The following IFT88 variants were observed in gnomAD, a reference collection of about 807,000 sequenced individuals.
The protein encoded by IFT88 is intraflagellar transport protein 88 homolog.
IFT88 carries 74 observed loss-of-function variants against 119.5 expected under a neutral mutation model. The observed-to-expected ratio is 0.62, with a 90% CI of 0.51 to 0.75. The LOEUF (loss-of-function observed/expected upper bound fraction) is 0.75, where lower values mean the gene tolerates loss of function less well. Ranked by LOEUF, IFT88 falls within the 30% of genes least tolerant of loss-of-function variation. IFT88 has a pLI of 0.00. For synonymous variants in IFT88, 279 were observed against 316.7 expected, an observed-to-expected ratio of 0.88 and a Z score of 1.26; for missense variants, 961 against 977.7, an observed-to-expected ratio of 0.98 and a Z score of 0.23.
chr13:20,661,219 T>G lies in IFT88; in HGVS notation c.2069-2279T>G, dbSNP rs545038521. On this transcript the variant is annotated intron_variant, in intron 22 of 25. Coordinates refer to ENST00000351808, the MANE Select transcript of IFT88 (RefSeq NM_006531.5). ...CAAACTAGGGGACGATTGACATAATTAGGTTTTACAGAGGAAGTAACATTT... is the reference window on the plus strand; with the variant it reads ...CAAACTAGGGGACGATTGACATAATGAGGTTTTACAGAGGAAGTAACATTT... 1.9e-4 allele frequency among the ~76,000 whole-genome samples: 29 copies of G among 152,232 alleles called. No individual in the cohort carries two copies. In the South Asian group the frequency reaches 6.0e-3, roughly 32 times the overall value.
intron 22 of IFT88, among the ~76,000 whole-genome samples, chr13:20,661,106 A>C (rs1381621278): frequency 1.3e-5 from 2 of 152,234 alleles, no homozygotes; most frequent in African/African-American, 4.8e-5. Context: ...TAGGACTCAC[A>C]AATAGTTAAC....
chr13:20,582,888 C>A, intron 2 of IFT88, 69 bp from the exon 3 acceptor site: 1 of 1,175,844 alleles, frequency 8.5e-7, no homozygotes, highest in Non-Finnish European at 1.3e-6. Flanking sequence ...TACCAAACAG[C>A]AGTTTAAACT....
chr13:20,643,942 GGT>G (rs2050347454), intron 19 of IFT88, among the ~76,000 whole-genome samples: 1 of 151,946 alleles, frequency 6.6e-6, no homozygotes, highest in Admixed American at 6.6e-5. Context: ...TTAGTAGAGG[GGT>G]GTTTTGCCAT....
At chr13:20,656,460 AG>A (rs1477358001) in intron 22 of IFT88, 30 bp downstream of exon 22, 1 of 1,101,606 alleles carries the variant, frequency 9.1e-7, no homozygotes. Flanking sequence ...GTAACTTTGA[AG>A]TGATAAGTTC....
At chr13:20,686,025 G>C (rs529750533) in intron 24 of IFT88, among the ~76,000 whole-genome samples, 1 of 148,222 alleles carries the variant, frequency 6.7e-6, no homozygotes, top group East Asian at 1.9e-4. Context: ...ATAATTCCAA[G>C]TTGAATTATG....
intron 9 of IFT88, among the ~76,000 whole-genome samples, chr13:20,597,860 G>A (rs928718235): frequency 3.3e-5 from 5 of 151,688 alleles, no homozygotes; most frequent in African/African-American, 4.8e-5. Flanking sequence ...CTCTATCAAG[G>A]TGGTTATTTT....
intron 24 of IFT88, among the ~76,000 whole-genome samples, chr13:20,674,722 ATATTT>A (rs1165577696): frequency 4.7e-5 from 2 of 42,690 alleles, no homozygotes; most frequent in Admixed American, 3.0e-4. Flanking sequence ...ATATATATAT[ATATTT>A]TTTTTTTTTT....
chr13:20,627,575 A>G (rs952937286), intron 15 of IFT88, among the ~76,000 whole-genome samples: 1 of 151,618 alleles, frequency 6.6e-6, no homozygotes, highest in Non-Finnish European at 1.5e-5. Context: ...TACTGAAAAT[A>G]CAAAAATTAG....
chr13:20,574,269 G>A (rs4326897), intron 1 of IFT88, 111 bp from the exon 2 acceptor site: 222,594 of 491,940 alleles, frequency 0.45, 54,657 homozygotes, highest in Middle Eastern at 0.54. Flanking sequence ...ATAGTGAGCC[G>A]TGATTGTGCT....
intron 24 of IFT88, among the ~76,000 whole-genome samples, chr13:20,674,872 C>T (rs7324762): frequency 0.16 from 24,657 of 150,758 alleles, 2,365 homozygotes; most frequent in African/African-American, 0.25. Context: ...CACCACCACG[C>T]CCGGCTAATT....
chr13:20,656,029 G>A (rs922955292), intron 21 of IFT88, among the ~76,000 whole-genome samples: 53 of 145,836 alleles, frequency 3.6e-4, no homozygotes, highest in Non-Finnish European at 1.0e-4. Flanking sequence ...GATTGTTTCA[G>A]CTCAGGAGTT....
At position 20,691,354 on chromosome 13, in the gene IFT88, G is replaced by A. The variant is rs1426623165; in HGVS notation, c.*179G>A. The A allele has an allele frequency of 2.0e-6, 1 of 509,000 alleles. No homozygotes were observed. The highest frequency in any genetic ancestry group is 3.4e-5 in the East Asian group (1 of 29,208). The allele number at this position is 509,000 out of a possible 1,614,324, so 31.5% of individuals were successfully genotyped here. A position where few individuals can be genotyped will look rare whatever the true frequency, so the allele number is the denominator to read the frequency against. On this transcript the variant is annotated 3_prime_UTR_variant, in exon 26 of 26. Transcript: ENST00000351808. ...TTTTTTCTTTTAAGGAATAAAAACAGGTAAAACTAATACTTTAGGCCAGTG... is the reference window on the plus strand; with the variant it reads ...TTTTTTCTTTTAAGGAATAAAAACAAGTAAAACTAATACTTTAGGCCAGTG...
chr13:20,613,950 G>GACAGAAA lies in IFT88; in HGVS notation c.1113-1842_1113-1841insCAGAAAA, dbSNP rs1248710039. Among the ~76,000 whole-genome samples, 7 of 992 alleles carry GACAGAAA rather than the reference G, an allele frequency of 7.1e-3. No homozygotes were observed. The Admixed American group carries it at 0.13, about 19-fold the overall frequency. The allele number at this position is 992 out of a possible 152,430, so 0.7% of individuals were successfully genotyped here. On this transcript the variant is annotated intron_variant, in intron 13 of 25. Transcript: ENST00000351808. ...GGTATAAATTAGGCAAATCTATAAAGATTTGCCAGGGAGTGTCTGCTAATG... is the reference window on the plus strand; with the variant it reads ...GGTATAAATTAGGCAAATCTATAAAGACAGAAAATTTGCCAGGGAGTGTCTGCTAATG...
chr13:20,602,035 C>T (rs2042673512), intron 12 of IFT88, 102 bp downstream of exon 12: 3 of 670,012 alleles, frequency 4.5e-6, no homozygotes, highest in East Asian at 2.7e-5. Flanking sequence ...GGGTTTTTCC[C>T]AGGCCTGTAT....
At chr13:20,663,392 C>T in intron 22 of IFT88, 106 bp from the exon 23 acceptor site, 1 of 1,544,584 alleles carries the variant, frequency 6.5e-7, no homozygotes, top group Non-Finnish European at 8.7e-7. Context: ...TATTTGTAAG[C>T]ATCATTCCTA....
At position 20,648,451 on chromosome 13, in the gene IFT88, A is replaced by G. The variant is rs544943083; in HGVS notation, c.1949+3493A>G. On this transcript the variant is annotated intron_variant, in intron 20 of 25. Transcript: ENST00000351808. The stretch of plus-strand genomic sequence containing the variant: ...GTATTGTTCAAGTGAGATTGTTATA[A>G]GTTTCAGATGTTAATTATAATACCC... 1.3e-3 allele frequency among the ~76,000 whole-genome samples: 202 copies of G among 151,820 alleles called. 1 individual carries two copies. The Middle Eastern group carries it at 0.014, about 10-fold the overall frequency.
At chr13:20,635,912 A>G (rs2048964519) in intron 16 of IFT88, among the ~76,000 whole-genome samples, 1 of 152,184 alleles carries the variant, frequency 6.6e-6, no homozygotes. Flanking sequence ...ATAAAAAAAA[A>G]AGGAAAGAAA....
chr13:20,617,705 A>G (rs977538637), intron 14 of IFT88, among the ~76,000 whole-genome samples: 1 of 152,142 alleles, frequency 6.6e-6, no homozygotes. Flanking sequence ...ATTGGACTGA[A>G]CTCCACCATA....
Position 20,656,373 on chromosome 13 carries a change from C to A in IFT88, c.2011C>A (p.Gln671Lys). The A allele has an allele frequency of 6.9e-7, 1 of 1,455,926 alleles. No homozygotes were observed. Among genetic ancestry groups the A allele is most frequent in the Non-Finnish European group, 9.4e-7 (1 of 1,063,428 alleles). 90.2% of individuals were successfully genotyped at this position (1,455,926 alleles called of 1,614,324 possible). A position where few individuals can be genotyped will look rare whatever the true frequency, so the allele number is the denominator to read the frequency against. The change falls in exon 22 of 26, where the codon CAA (glutamine) becomes AAA (lysine). Residue 671 changes from glutamine to lysine, a missense_variant. Physicochemically the swap from Gln to Lys is moderately conservative, Grantham distance 53. Coordinates refer to ENST00000351808, the MANE Select transcript of IFT88 (RefSeq NM_006531.5). ...ASCFRRSGNY[Q>K]KALDTYKDTH... ...CTCTTGTTTGTTTATAGGTAACTAC[C>A]AAAAAGCATTAGATACTTACAAAGA...
Sources: gnomAD v4.1 joint callset for allele counts (sites outside exome capture counted in the v4.1 genomes callset) on GRCh38, gnomAD v4.1.1 for gene constraint, MANE v1.5 for transcripts, NCBI Gene and HGNC (gene_info 2026-07-23, HGNC 2026-07-21) for gene names.